Variants in ROBO2 observed in about 807,000 individuals in gnomAD.
ROBO2 encodes roundabout guidance receptor 2.
A neutral mutation model predicts 160.8 loss-of-function variants in ROBO2; 53 were observed. That is an observed-to-expected ratio of 0.33 (90% CI 0.26 to 0.41). ROBO2 has a LOEUF of 0.41. Among genes scored for constraint, ROBO2 ranks in the 10% least tolerant of loss-of-function variants. The probability of loss-of-function intolerance (pLI) is 1.00; values close to 1 mark genes in which losing one functional copy is unlikely to be tolerated. For missense variants in ROBO2, 1,577 were observed against 1,722.4 expected (o/e 0.92, Z 1.49); for synonymous variants, 664 against 611.7 (o/e 1.09, Z -1.26).
At chr3:76,856,241 A>T (rs948900125) in intron 2 of ROBO2, among the ~76,000 whole-genome samples, 1 of 152,216 alleles carries the variant, frequency 6.6e-6, no homozygotes, top group Non-Finnish European at 1.5e-5. Flanking sequence ...ATAATTTTGC[A>T]TTATTTACAA....
At chr3:76,722,662 C>G (rs116232079) in intron 2 of ROBO2, among the ~76,000 whole-genome samples, 1 of 152,192 alleles carries the variant, frequency 6.6e-6, no homozygotes, top group African/African-American at 2.4e-5. Flanking sequence ...TACATTCTAT[C>G]GCCACAGTTG....
chr3:76,519,114 G>A (rs890104932), intron 2 of ROBO2, among the ~76,000 whole-genome samples: 1 of 152,164 alleles, frequency 6.6e-6, no homozygotes, highest in Non-Finnish European at 1.5e-5. Context: ...TCACTGCAAA[G>A]CAAGGAATGA....
intron 2 of ROBO2, among the ~76,000 whole-genome samples, chr3:76,006,051 T>C (rs779310460): frequency 3.3e-5 from 5 of 152,334 alleles, no homozygotes; most frequent in Non-Finnish European, 7.4e-5. Context: ...GGTTGCACTC[T>C]GATTTTTCCA....
rs73840996 is a variant in ROBO2, at chr3:76,445,244, A to T, written c.109+507642A>T. ...AGTATAATTGTACAGGGAAGTGCAC[A>T]TGAACCATCAAATAGAAAAAAACTC... is the stretch of plus-strand genomic sequence containing the variant. On this transcript the variant is annotated intron_variant, in intron 2 of 26. Transcript: ENST00000487694. Among the ~76,000 whole-genome samples the T allele has an allele frequency of 7.4e-3, 1,133 of 152,312 alleles. 17 individuals are homozygous for T. The highest frequency in any genetic ancestry group is 0.026 in the African/African-American group (1,077 of 41,570).
chr3:77,105,255 T>A (rs1054728459), intron 2 of ROBO2, among the ~76,000 whole-genome samples: 4 of 152,198 alleles, frequency 2.6e-5, no homozygotes, highest in African/African-American at 9.7e-5. Flanking sequence ...AACAAACATA[T>A]CAACTTAAAT....
chr3:77,581,804 T>C (rs558747213), intron 16 of ROBO2, among the ~76,000 whole-genome samples: 2 of 152,322 alleles, frequency 1.3e-5, no homozygotes, highest in East Asian at 1.9e-4. Flanking sequence ...CAGGTCTTTA[T>C]TGATTTCTAT....
intron 2 of ROBO2, among the ~76,000 whole-genome samples, chr3:77,031,277 CTTAGAA>C (rs2063303801): frequency 6.6e-6 from 1 of 151,816 alleles, no homozygotes; most frequent in Non-Finnish European, 1.5e-5. Flanking sequence ...TGTTTGAGAT[CTTAGAA>C]TAGTTTGTAT....
chr3:76,277,501 A>C (rs1049973152), intron 2 of ROBO2, among the ~76,000 whole-genome samples: 3 of 151,946 alleles, frequency 2.0e-5, no homozygotes, highest in African/African-American at 7.2e-5. Flanking sequence ...GAAGGCATCT[A>C]ATTCTTGGAT....
chr3:75,997,104 T>TG (rs1201756396), intron 2 of ROBO2, among the ~76,000 whole-genome samples: 1 of 152,208 alleles, frequency 6.6e-6, no homozygotes, highest in Admixed American at 6.5e-5. Flanking sequence ...AAAGATTCAA[T>TG]GTAGGAATCA....
chr3:76,281,013 C>A (rs1708204005), intron 2 of ROBO2, among the ~76,000 whole-genome samples: 1 of 151,980 alleles, frequency 6.6e-6, no homozygotes, highest in Non-Finnish European at 1.5e-5. Flanking sequence ...TCACTTATAT[C>A]TTTTGATGCC....
At chr3:76,133,823 C>T (rs1330994871) in intron 2 of ROBO2, among the ~76,000 whole-genome samples, 1 of 152,020 alleles carries the variant, frequency 6.6e-6, no homozygotes, top group Non-Finnish European at 1.5e-5. Flanking sequence ...TTAGGCGGTG[C>T]CCACCCAGAT....
intron 2 of ROBO2, among the ~76,000 whole-genome samples, chr3:76,519,714 G>C (rs2081505452): frequency 6.6e-6 from 1 of 150,632 alleles, no homozygotes; most frequent in Non-Finnish European, 1.5e-5. Flanking sequence ...AGAGATATAA[G>C]ACAAAAATAG....
At chr3:76,724,358 A>G (rs538062416) in intron 2 of ROBO2, among the ~76,000 whole-genome samples, 11 of 152,156 alleles carry the variant, frequency 7.2e-5, no homozygotes, top group Non-Finnish European at 1.0e-4. Flanking sequence ...TCTTATGTTA[A>G]TCCAACTACC....
intron 5 of ROBO2, among the ~76,000 whole-genome samples, chr3:77,499,945 C>A (rs1019105947): frequency 6.6e-6 from 1 of 152,094 alleles, no homozygotes; most frequent in African/African-American, 2.4e-5. Context: ...CCGTGTCTGG[C>A]CTGCTTTTAA....
At chr3:77,166,795 G>C (rs183137269) in intron 2 of ROBO2, among the ~76,000 whole-genome samples, 1 of 152,082 alleles carries the variant, frequency 6.6e-6, no homozygotes, top group South Asian at 2.1e-4. Flanking sequence ...TCCTGACCTC[G>C]TGATCCGCCT....
At chr3:76,350,121 C>T (rs917132891) in intron 2 of ROBO2, among the ~76,000 whole-genome samples, 1 of 152,040 alleles carries the variant, frequency 6.6e-6, no homozygotes, top group Non-Finnish European at 1.5e-5. Flanking sequence ...AAGCTTTGTA[C>T]ACCCCATTAT....
At chr3:76,978,969 G>C (rs1222391188) in intron 2 of ROBO2, among the ~76,000 whole-genome samples, 1 of 151,360 alleles carries the variant, frequency 6.6e-6, no homozygotes, top group African/African-American at 2.4e-5. Flanking sequence ...GAAAAACAGG[G>C]TCTTGCCCTG....
At chr3:77,414,849 G>A (rs572068811) in intron 2 of ROBO2, among the ~76,000 whole-genome samples, 1 of 152,300 alleles carries the variant, frequency 6.6e-6, no homozygotes, top group East Asian at 1.9e-4. Flanking sequence ...TGTTGTTGGA[G>A]TCTTTATCCA....
intron 2 of ROBO2, among the ~76,000 whole-genome samples, chr3:76,296,335 T>A (rs1463485493): frequency 6.6e-6 from 1 of 152,178 alleles, no homozygotes; most frequent in Non-Finnish European, 1.5e-5. Flanking sequence ...ACATTTTTGA[T>A]GTTTCAGGAC....
Sources: allele counts gnomAD v4.1 joint callset (sites outside exome capture counted in the v4.1 genomes callset), GRCh38; gene constraint gnomAD v4.1.1; transcripts MANE v1.5; gene names NCBI Gene and HGNC (gene_info 2026-07-23, HGNC 2026-07-21).